ZBTB20: variants seen among roughly 807,000 people sequenced by gnomAD.
ZBTB20 encodes the protein zinc finger and BTB domain containing 20.
Under a neutral mutation model 56.9 loss-of-function variants are expected in ZBTB20, and 9 were observed. The ratio of observed to expected loss-of-function variants is 0.16; its 90% confidence interval spans 0.10 to 0.28. The LOEUF (loss-of-function observed/expected upper bound fraction) is 0.28, where lower values mean the gene tolerates loss of function less well. ZBTB20 is among the 10% of genes least tolerant of loss of function. The probability of loss-of-function intolerance (pLI) is 1.00; values close to 1 mark genes in which losing one functional copy is unlikely to be tolerated. For synonymous variants in ZBTB20, 417 were observed against 420.7 expected (o/e 0.99, Z 0.11); for missense variants, 655 against 1,003.0 (o/e 0.65, Z 4.69).
chr3:114,691,437 A>G (rs1173953250), intron 6 of ZBTB20, among the ~76,000 whole-genome samples: 1 of 152,074 alleles, frequency 6.6e-6, no homozygotes, highest in Non-Finnish European at 1.5e-5. Context: ...TCATGAATTT[A>G]AGATTTTTTA....
chr3:114,465,536 G>A (rs896033302), intron 7 of ZBTB20, among the ~76,000 whole-genome samples: 4 of 151,792 alleles, frequency 2.6e-5, no homozygotes, highest in East Asian at 1.9e-4. Context: ...ATGAAACCCC[G>A]TTTCTACTAA....
At chr3:115,018,185 T>G (rs2080052877) in intron 2 of ZBTB20, among the ~76,000 whole-genome samples, 1 of 151,448 alleles carries the variant, frequency 6.6e-6, no homozygotes. Context: ...TGCCTGGAAT[T>G]TATGCCACCA....
intron 6 of ZBTB20, among the ~76,000 whole-genome samples, chr3:114,524,400 T>C (rs2046983083): frequency 6.6e-6 from 1 of 152,020 alleles, no homozygotes; most frequent in Non-Finnish European, 1.5e-5. Context: ...AGAGGAGGTA[T>C]TAGAGGGAGC....
chr3:114,408,468 A>G (rs2087562076), intron 7 of ZBTB20, among the ~76,000 whole-genome samples: 3 of 152,158 alleles, frequency 2.0e-5, no homozygotes, highest in South Asian at 2.1e-4. Flanking sequence ...ATCACGAGAG[A>G]AAACCTTTGA....
In ZBTB20 at chr3:114,324,265, T is replaced by C. The variant is rs984637664; in HGVS notation, c.*14740A>G. 6.6e-6 allele frequency: 1 copy of C among 152,198 alleles called. No homozygotes were observed. Among genetic ancestry groups the C allele is most frequent in the African/African-American group, 2.4e-5 (1 of 41,454 alleles). The allele number at this position is 152,198 out of a possible 1,614,324, so 9.4% of individuals were successfully genotyped here. ...TTTTTACTTAATAGTTTTCATCATG[T>C]CAGATGGCTCTAATGCTAAGGGGAA... is the stretch of plus-strand genomic sequence containing the variant. On this transcript the variant is annotated 3_prime_UTR_variant, in exon 12 of 12. Coordinates refer to ENST00000675478, the MANE Select transcript of ZBTB20 (RefSeq NM_001348800.3).
At chr3:114,638,813 C>A (rs986096497) in intron 6 of ZBTB20, among the ~76,000 whole-genome samples, 1 of 151,768 alleles carries the variant, frequency 6.6e-6, no homozygotes, top group Non-Finnish European at 1.5e-5. Flanking sequence ...AAATATTTTC[C>A]AAAATTAATA....
chr3:114,793,002 A>G lies in ZBTB20; in HGVS notation c.-343+8099T>C, dbSNP rs558118754. ...GTGATTCTCCTGCCTCAGCCTCCCAAGTAGCTGGGATTTCAGGAACCTGCC... is the reference window on the plus strand; with the variant it reads ...GTGATTCTCCTGCCTCAGCCTCCCAGGTAGCTGGGATTTCAGGAACCTGCC... On this transcript the variant is annotated intron_variant, in intron 5 of 11. Coordinates refer to ENST00000675478, the MANE Select transcript of ZBTB20 (RefSeq NM_001348800.3). 4.6e-5 allele frequency among the ~76,000 whole-genome samples: 7 copies of G among 151,340 alleles called. No individual in the cohort carries two copies. In the South Asian group the frequency reaches 1.5e-3, roughly 32 times the overall value.
chr3:114,850,361 T>C (rs1054855649), intron 4 of ZBTB20, among the ~76,000 whole-genome samples: 1 of 152,180 alleles, frequency 6.6e-6, no homozygotes, highest in Non-Finnish European at 1.5e-5. Flanking sequence ...GTAGATGGTG[T>C]GTTCATAGCG....
chr3:114,985,005 C>A (rs952033361), intron 2 of ZBTB20, among the ~76,000 whole-genome samples: 6 of 152,050 alleles, frequency 3.9e-5, no homozygotes, highest in African/African-American at 1.4e-4. Flanking sequence ...GTCCTCAACT[C>A]AAATGGCACG....
intron 4 of ZBTB20, among the ~76,000 whole-genome samples, chr3:114,856,776 T>C (rs1380080064): frequency 2.6e-5 from 4 of 152,212 alleles, no homozygotes; most frequent in Non-Finnish European, 5.9e-5. Flanking sequence ...GGGCGAGCAA[T>C]TAACTTTTCT....
At chr3:114,833,830 C>T (rs925340998) in intron 4 of ZBTB20, among the ~76,000 whole-genome samples, 1 of 151,608 alleles carries the variant, frequency 6.6e-6, no homozygotes, top group African/African-American at 2.4e-5. Flanking sequence ...CTGCACCTGG[C>T]CGAGGGTCTT....
At chr3:114,651,754 A>T (rs1404743478) in intron 6 of ZBTB20, among the ~76,000 whole-genome samples, 1 of 152,092 alleles carries the variant, frequency 6.6e-6, no homozygotes, top group Non-Finnish European at 1.5e-5. Context: ...GAACACGAGC[A>T]GTGAACACTT....
intron 6 of ZBTB20, among the ~76,000 whole-genome samples, chr3:114,641,345 T>A (rs2059548267): frequency 6.6e-6 from 1 of 151,950 alleles, no homozygotes; most frequent in South Asian, 2.1e-4. Context: ...AGACTATAGA[T>A]CTTGTACACC....
At chr3:115,117,270 C>T (rs907028114) in intron 1 of ZBTB20, among the ~76,000 whole-genome samples, 5 of 152,126 alleles carry the variant, frequency 3.3e-5, no homozygotes, top group Non-Finnish European at 7.4e-5. Context: ...AATGAATGTA[C>T]TTTGAACAAC....
chr3:115,109,927 A>G (rs1326065259), intron 1 of ZBTB20, among the ~76,000 whole-genome samples: 1 of 152,152 alleles, frequency 6.6e-6, no homozygotes, highest in Non-Finnish European at 1.5e-5. Context: ...TGGAAACATT[A>G]GGCGGGGCAC....
chr3:114,903,374 T>C (rs533257987), intron 3 of ZBTB20, among the ~76,000 whole-genome samples: 32 of 152,148 alleles, frequency 2.1e-4, no homozygotes, highest in South Asian at 1.0e-3. Flanking sequence ...AGTACTATCA[T>C]AGTTGTATGA....
At chr3:114,609,357 T>G (rs2057387564) in intron 6 of ZBTB20, among the ~76,000 whole-genome samples, 2 of 152,240 alleles carry the variant, frequency 1.3e-5, no homozygotes, top group Non-Finnish European at 2.9e-5. Context: ...GAATATTCGT[T>G]AATTTTGGTT....
At chr3:114,826,257 G>A (rs377634202) in intron 4 of ZBTB20, among the ~76,000 whole-genome samples, 5 of 151,412 alleles carry the variant, frequency 3.3e-5, no homozygotes, top group East Asian at 1.9e-4. Context: ...TTCCCAAATC[G>A]TCATTTTTAT....
rs149791223 is a variant in ZBTB20 at position 114,806,976 on chromosome 3, T to C, written c.-416-5802A>G. 5.9e-5 allele frequency among the ~76,000 whole-genome samples: 9 copies of C among 152,136 alleles called. No individual in the cohort carries two copies. The East Asian group carries it at 1.7e-3, about 29-fold the overall frequency. The stretch of plus-strand genomic sequence containing the variant: ...TTCAATTCCATTCCATTGATCTGTA[T>C]GCCAATATCATACTCTATAAAGTAA... On this transcript the variant is annotated intron_variant, in intron 4 of 11. Coordinates refer to ENST00000675478, the MANE Select transcript of ZBTB20 (RefSeq NM_001348800.3).
Sources: allele counts gnomAD v4.1 joint callset (sites outside exome capture counted in the v4.1 genomes callset), GRCh38; gene constraint gnomAD v4.1.1; transcripts MANE v1.5; gene names NCBI Gene and HGNC (gene_info 2026-07-23, HGNC 2026-07-21).